The following ANKIB1 variants were observed in gnomAD, a reference collection of about 807,000 sequenced individuals.
ANKIB1 encodes the protein ankyrin repeat and IBR domain-containing protein 1.
Under a neutral mutation model 122.1 loss-of-function variants are expected in ANKIB1, and 43 were observed. That is an observed-to-expected ratio of 0.35 (90% CI 0.28 to 0.45). The LOEUF (loss-of-function observed/expected upper bound fraction) is 0.45. Ranked by LOEUF, ANKIB1 falls within the 20% of genes least tolerant of loss-of-function variation. The probability of loss-of-function intolerance (pLI) is 1.00; values close to 1 mark genes in which losing one functional copy is unlikely to be tolerated. For missense variants in ANKIB1, 992 were observed against 1,329.5 expected (o/e 0.75, Z 3.95); for synonymous variants, 390 against 442.0 (o/e 0.88, Z 1.48).
chr7:92,350,005 TAAAA>T (rs147124525), intron 7 of ANKIB1, among the ~76,000 whole-genome samples: 16 of 130,424 alleles, frequency 1.2e-4, no homozygotes, highest in Admixed American at 9.5e-4. Flanking sequence ...GACCCCATCT[TAAAA>T]AAAAAAAAAA....
At chr7:92,359,253 G>A (rs1390891795) in intron 9 of ANKIB1, among the ~76,000 whole-genome samples, 1 of 152,172 alleles carries the variant, frequency 6.6e-6, no homozygotes, top group East Asian at 1.9e-4. Context: ...CCCAGTGTGT[G>A]ATGTTCCCCA....
intron 1 of ANKIB1, among the ~76,000 whole-genome samples, chr7:92,282,014 A>G (rs764205006): frequency 6.6e-6 from 1 of 152,246 alleles, no homozygotes; most frequent in Non-Finnish European, 1.5e-5. Flanking sequence ...AATTATTTCA[A>G]AAGATATTTG....
intron 5 of ANKIB1, among the ~76,000 whole-genome samples, chr7:92,336,260 G>A (rs1803284523): frequency 2.0e-5 from 3 of 151,696 alleles, no homozygotes; most frequent in African/African-American, 4.8e-5. Context: ...CTAAACTGCT[G>A]TTAAGCCAAC....
At chr7:92,278,469 A>G (rs1227198895) in intron 1 of ANKIB1, among the ~76,000 whole-genome samples, 4 of 152,162 alleles carry the variant, frequency 2.6e-5, no homozygotes, top group Admixed American at 1.3e-4. Flanking sequence ...TCTGAAAAAC[A>G]AATCATTTCC....
chr7:92,338,374 G>T (rs1343991588), intron 5 of ANKIB1, among the ~76,000 whole-genome samples: 1 of 151,356 alleles, frequency 6.6e-6, no homozygotes, highest in Non-Finnish European at 1.5e-5. Flanking sequence ...GCCATTGATC[G>T]CCCCACTGCA....
At chr7:92,344,193 G>GTTTTTTTTTTTTTTTTTTTTTTTTTTTTT (rs67933063) in intron 6 of ANKIB1, among the ~76,000 whole-genome samples, 2 of 97,676 alleles carry the variant, frequency 2.0e-5, no homozygotes, top group Non-Finnish European at 3.9e-5. Flanking sequence ...TGTGTTTTTG[G>GTTTTTTTTTTTTTTTTTTTTTTTTTTTTT]TTTTTTTTTT....
At chr7:92,396,871 T>C (rs1804907047) in intron 18 of ANKIB1, among the ~76,000 whole-genome samples, 2 of 152,202 alleles carry the variant, frequency 1.3e-5, no homozygotes, top group African/African-American at 2.4e-5. Context: ...TTGATACTGT[T>C]TTGTGTTCAT....
intron 5 of ANKIB1, among the ~76,000 whole-genome samples, chr7:92,341,595 G>A (rs1307416793): frequency 1.3e-5 from 2 of 152,284 alleles, no homozygotes; most frequent in East Asian, 3.9e-4. Flanking sequence ...TAAAAAGAAG[G>A]AAATAATGTT....
At chr7:92,373,404 T>G (rs1804315716) in intron 11 of ANKIB1, among the ~76,000 whole-genome samples, 1 of 152,192 alleles carries the variant, frequency 6.6e-6, no homozygotes, top group Admixed American at 6.5e-5. Context: ...TGTATTGCAT[T>G]CATGAATGTT....
intron 5 of ANKIB1, among the ~76,000 whole-genome samples, chr7:92,331,522 C>T (rs1322733753): frequency 6.6e-6 from 1 of 152,114 alleles, no homozygotes; most frequent in Non-Finnish European, 1.5e-5. Context: ...GATCCGCCTG[C>T]CTCGGCCTCC....
Position 92,350,932 on chromosome 7 carries a change from A to G in ANKIB1, c.1086-18A>G, listed in dbSNP as rs771130192. The G allele has an allele frequency of 1.3e-6, 2 of 1,592,034 alleles. No individual in the cohort carries two copies. Among genetic ancestry groups the G allele is most frequent in the African/African-American group, 1.3e-5 (1 of 74,242 alleles). On this transcript the variant is annotated intron_variant, in intron 7 of 19. Coordinates refer to ENST00000265742, the MANE Select transcript of ANKIB1 (RefSeq NM_019004.2). The stretch of plus-strand genomic sequence containing the variant: ...TAATATCCTTGCTCGTTTGATGTGC[A>G]TTGATCCATTTTAATAGGTTTTTGA...
At chr7:92,345,409 G>A (rs1803517822) in intron 7 of ANKIB1, among the ~76,000 whole-genome samples, 2 of 152,128 alleles carry the variant, frequency 1.3e-5, no homozygotes, top group Non-Finnish European at 2.9e-5. Flanking sequence ...TAAGCATTTG[G>A]TTTTGTGCTG....
At chr7:92,257,186 C>T (rs893131584) in intron 1 of ANKIB1, among the ~76,000 whole-genome samples, 2 of 138,894 alleles carry the variant, frequency 1.4e-5, no homozygotes, top group African/African-American at 2.7e-5. Context: ...GACTCTGTCT[C>T]GAAAAGAAAA....
intron 1 of ANKIB1, among the ~76,000 whole-genome samples, chr7:92,259,282 G>A (rs1318798247): frequency 6.6e-6 from 1 of 152,040 alleles, no homozygotes; most frequent in African/African-American, 2.4e-5. Flanking sequence ...TATAGCACAT[G>A]CCATAATGTC....
chr7:92,296,036 G>A (rs901652214), intron 2 of ANKIB1, among the ~76,000 whole-genome samples: 1 of 152,096 alleles, frequency 6.6e-6, no homozygotes, highest in African/African-American at 2.4e-5. Context: ...TTTGGAACTT[G>A]ATTAAAAAAA....
chr7:92,396,332 T>C, intron 17 of ANKIB1, 33 bp from the exon 18 acceptor site: 3 of 1,169,926 alleles, frequency 2.6e-6, no homozygotes, highest in Non-Finnish European at 3.7e-6. Context: ...AATTGCATGC[T>C]CTCTTGTATT....
chr7:92,347,933 A>G (rs766049579), intron 7 of ANKIB1: 2 of 431,224 alleles, frequency 4.6e-6, no homozygotes, highest in East Asian at 7.3e-5. Flanking sequence ...ATTACTTATT[A>G]TCATATTCCT....
chr7:92,286,897 C>G (rs576631407), intron 1 of ANKIB1, among the ~76,000 whole-genome samples: 66 of 152,306 alleles, frequency 4.3e-4, no homozygotes, highest in South Asian at 8.3e-4. Flanking sequence ...TATCCAGAAT[C>G]CAGACAACTT....
At chr7:92,314,183 A>G (rs1312724884) in intron 3 of ANKIB1, among the ~76,000 whole-genome samples, 1 of 152,008 alleles carries the variant, frequency 6.6e-6, no homozygotes, top group African/African-American at 2.4e-5. Flanking sequence ...CTGTAGTCCC[A>G]GCTACTCAGG....
Sources: allele counts gnomAD v4.1 joint callset (sites outside exome capture counted in the v4.1 genomes callset), GRCh38; gene constraint gnomAD v4.1.1; transcripts MANE v1.5; gene names NCBI Gene and HGNC (gene_info 2026-07-23, HGNC 2026-07-21).